The following PLXNA4 variants were observed in gnomAD, a reference collection of about 807,000 sequenced individuals.
The protein encoded by PLXNA4 is plexin A4, also known as plexin-A4.
In PLXNA4, 44 loss-of-function variants were observed where a neutral mutation model predicts 191.8. The observed-to-expected ratio is 0.23, with a 90% CI of 0.18 to 0.29. The LOEUF (loss-of-function observed/expected upper bound fraction) is 0.29. PLXNA4 is among the 10% of genes least tolerant of loss of function. PLXNA4 has a pLI of 1.00. For missense variants in PLXNA4, 1,800 were observed against 2,488.8 expected (o/e 0.72, Z 5.89); for synonymous variants, 1,082 against 1,009.5 (o/e 1.07, Z -1.36).
intron 3 of PLXNA4, among the ~76,000 whole-genome samples, chr7:132,298,950 G>A (rs1801206621): frequency 6.6e-6 from 1 of 152,268 alleles, no homozygotes; most frequent in Admixed American, 6.5e-5. Flanking sequence ...GGACAGCATA[G>A]AGACAATGGA....
intron 2 of PLXNA4, among the ~76,000 whole-genome samples, chr7:132,621,234 TG>T (rs1455419827): frequency 4.7e-5 from 7 of 147,704 alleles, no homozygotes; most frequent in African/African-American, 1.8e-4. Flanking sequence ...TTTAATCTCT[TG>T]GTTTTTTTTT....
chr7:132,238,824 G>A (rs1798788157), intron 5 of PLXNA4, among the ~76,000 whole-genome samples: 2 of 151,922 alleles, frequency 1.3e-5, no homozygotes, highest in Non-Finnish European at 2.9e-5. Flanking sequence ...AGGGGGGGGG[G>A]CACCCATGAG....
At chr7:132,311,197 C>CGCGT (rs1563027561) in intron 3 of PLXNA4, among the ~76,000 whole-genome samples, 7 of 74,784 alleles carry the variant, frequency 9.4e-5, no homozygotes, top group African/African-American at 3.2e-4. Flanking sequence ...TGTGTGTGCG[C>CGCGT]GTGTGGCCTA....
At chr7:132,608,990 C>T (rs1802994626) in intron 2 of PLXNA4, among the ~76,000 whole-genome samples, 1 of 152,160 alleles carries the variant, frequency 6.6e-6, no homozygotes, top group Non-Finnish European at 1.5e-5. Context: ...GCCTTGCTCA[C>T]ATGTTGTTTC....
intron 3 of PLXNA4, 105 bp from the exon 4 acceptor site, chr7:132,298,327 T>A: frequency 7.0e-7 from 1 of 1,425,846 alleles, no homozygotes; most frequent in African/African-American, 1.4e-5. Context: ...GGGCATGAGT[T>A]CTGTCTCCAC....
At chr7:132,303,563 C>T (rs567580780) in intron 3 of PLXNA4, among the ~76,000 whole-genome samples, 4 of 152,076 alleles carry the variant, frequency 2.6e-5, no homozygotes, top group South Asian at 4.2e-4. Flanking sequence ...AGCAAGACTC[C>T]GTCTCAAAAA....
intron 1 of PLXNA4, among the ~76,000 whole-genome samples, chr7:132,563,158 TCC>T (rs1801401323): frequency 1.3e-5 from 1 of 76,652 alleles, no homozygotes. Context: ...CTCCTTCTCC[TCC>T]TCCTCCTTCT....
At chr7:132,594,965 A>AG (rs879637271) in intron 2 of PLXNA4, among the ~76,000 whole-genome samples, 28 of 134,408 alleles carry the variant, frequency 2.1e-4, no homozygotes, top group East Asian at 1.1e-3. Context: ...ATAGATAGAT[A>AG]ATTGATAGAT....
intron 3 of PLXNA4, among the ~76,000 whole-genome samples, chr7:132,422,930 A>C (rs1794900008): frequency 6.6e-6 from 1 of 152,202 alleles, no homozygotes; most frequent in Admixed American, 6.5e-5. Flanking sequence ...TGCCAAGCAA[A>C]GCCTCCCACA....
intron 2 of PLXNA4, among the ~76,000 whole-genome samples, chr7:132,600,636 G>T (rs6958050): frequency 0.015 from 2,347 of 152,258 alleles, 65 homozygotes; most frequent in African/African-American, 0.053. Context: ...GCCTCCCAAA[G>T]TGCTGGGATT....
chr7:132,199,692 G>A, intron 12 of PLXNA4, among the ~76,000 whole-genome samples: 1 of 152,136 alleles, frequency 6.6e-6, no homozygotes, highest in East Asian at 1.9e-4. Context: ...AACCCTGCAG[G>A]GCCACAAGTG....
At chr7:132,426,158 G>T (rs1026094565) in intron 3 of PLXNA4, among the ~76,000 whole-genome samples, 2 of 152,208 alleles carry the variant, frequency 1.3e-5, no homozygotes, top group African/African-American at 4.8e-5. Context: ...GGAGTGTCAA[G>T]AAGTGCGGCC....
chr7:132,266,908 TGCTAGGGAGTTGTGA>T (rs1799879531), intron 4 of PLXNA4, among the ~76,000 whole-genome samples: 1 of 152,188 alleles, frequency 6.6e-6, no homozygotes, highest in Non-Finnish European at 1.5e-5. Flanking sequence ...CCATGCCACC[TGCTAGGGAGTTGTGA>T]GCTAATGGTG....
chr7:132,480,808 T>C (rs1321250245), intron 3 of PLXNA4, among the ~76,000 whole-genome samples: 1 of 152,140 alleles, frequency 6.6e-6, no homozygotes, highest in Non-Finnish European at 1.5e-5. Context: ...AGAAGGAAAT[T>C]GCCCGTGGAG....
At position 132,309,154 on chromosome 7, in the gene PLXNA4, C is replaced by A. The variant is rs573132060; in HGVS notation, c.1372-10932G>T. On this transcript the variant is annotated intron_variant, in intron 3 of 31. Coordinates refer to ENST00000321063, the MANE Select transcript of PLXNA4 (RefSeq NM_020911.2). Reference sequence around the variant, plus strand: ...AGCTACAGGAATTGTCTAGGAAACCCTGAGTCTGCTTTAACTCAGGAGAGA... The same window carrying A: ...AGCTACAGGAATTGTCTAGGAAACCATGAGTCTGCTTTAACTCAGGAGAGA... Among the ~76,000 whole-genome samples the A allele has an allele frequency of 5.0e-4, 76 of 152,314 alleles. No homozygotes were observed. In the South Asian group the frequency reaches 0.011, roughly 22 times the overall value.
At chr7:132,445,772 G>A (rs1041388278) in intron 3 of PLXNA4, among the ~76,000 whole-genome samples, 5 of 152,194 alleles carry the variant, frequency 3.3e-5, no homozygotes, top group African/African-American at 9.7e-5. Context: ...TGGAAGGCAG[G>A]GTGGGATGGG....
chr7:132,403,203 G>T (rs943630166), intron 3 of PLXNA4, among the ~76,000 whole-genome samples: 1 of 152,202 alleles, frequency 6.6e-6, no homozygotes, highest in Non-Finnish European at 1.5e-5. Context: ...AGGCCCTGAC[G>T]CCTGCTATGC....
chr7:132,420,414 T>A (rs1366752665), intron 3 of PLXNA4, among the ~76,000 whole-genome samples: 1 of 152,194 alleles, frequency 6.6e-6, no homozygotes, highest in Non-Finnish European at 1.5e-5. Context: ...ATAGAATCTA[T>A]GGCTGGGCTC....
At chr7:132,524,223 G>A (rs1418704268) in intron 1 of PLXNA4, among the ~76,000 whole-genome samples, 2 of 152,272 alleles carry the variant, frequency 1.3e-5, no homozygotes, top group South Asian at 4.1e-4. Flanking sequence ...CTGGAAGAAC[G>A]GGATGTCAAT....
Sources: allele counts gnomAD v4.1 joint callset (sites outside exome capture counted in the v4.1 genomes callset), GRCh38; gene constraint gnomAD v4.1.1; transcripts MANE v1.5; gene names NCBI Gene and HGNC (gene_info 2026-07-23, HGNC 2026-07-21).